The following SLC1A2 variants were observed in gnomAD, a reference collection of about 807,000 sequenced individuals.
The protein encoded by SLC1A2 is excitatory amino acid transporter 2.
Under a neutral mutation model 48.8 loss-of-function variants are expected in SLC1A2, and 15 were observed. The ratio of observed to expected loss-of-function variants is 0.31; its 90% CI spans 0.21 to 0.47. The LOEUF is 0.47. SLC1A2 is among the 20% of genes least tolerant of loss of function. The pLI is 0.99. For synonymous variants in SLC1A2, 279 were observed against 272.6 expected, an observed-to-expected ratio of 1.02 and a Z score of -0.23; for missense variants, 502 against 730.5, an observed-to-expected ratio of 0.69 and a Z score of 3.61.
chr11:35,387,309 T>A (rs557763352), intron 1 of SLC1A2, among the ~76,000 whole-genome samples: 2 of 152,282 alleles, frequency 1.3e-5, no homozygotes, highest in South Asian at 2.1e-4. Context: ...GCCCAGCTTT[T>A]TATGCAATCC....
chr11:35,314,824 A>T (rs1200818562), intron 3 of SLC1A2, among the ~76,000 whole-genome samples, 199 bp downstream of exon 3: 2 of 151,160 alleles, frequency 1.3e-5, no homozygotes, highest in East Asian at 3.9e-4. Flanking sequence ...GAGAAAGACA[A>T]ATAGACTGAC....
intron 1 of SLC1A2, chr11:35,371,022 G>C (rs1274668384): frequency 7.1e-6 from 7 of 984,770 alleles, no homozygotes; most frequent in African/African-American, 1.7e-5. Context: ...CTCATTCATG[G>C]GGTGAGTTTT....
In SLC1A2 at chr11:35,278,223, A is replaced by G. The variant is rs144464707; in HGVS notation, c.1421+2644T>C. ...TATGGCCTTCCTTGCAGCCCTCCCA[A>G]GTTGAACTGATTCTGTTCAGGGAGC... On this transcript the variant is annotated intron_variant, in intron 9 of 10. Coordinates refer to ENST00000278379, the MANE Select transcript of SLC1A2 (RefSeq NM_004171.4). Among the ~76,000 whole-genome samples the G allele has an allele frequency of 7.3e-3, 1,089 of 149,482 alleles. 10 individuals are homozygous for G. The highest frequency in any genetic ancestry group is 0.025 in the African/African-American group (1,004 of 40,734).
At chr11:35,304,440 A>T (rs1191690377) in intron 5 of SLC1A2, among the ~76,000 whole-genome samples, 1 of 152,210 alleles carries the variant, frequency 6.6e-6, no homozygotes, top group Non-Finnish European at 1.5e-5. Context: ...CTGGACAGTG[A>T]GGGAGAAGAG....
At chr11:35,265,191 C>G in intron 10 of SLC1A2, 1 of 369,024 alleles carries the variant, frequency 2.7e-6, no homozygotes, top group Non-Finnish European at 4.8e-6. Context: ...GATCTGCCCG[C>G]CTCGGCCTAG....
chr11:35,389,520 G>A (rs1034024669), intron 1 of SLC1A2, among the ~76,000 whole-genome samples: 2 of 151,634 alleles, frequency 1.3e-5, no homozygotes, highest in African/African-American at 4.9e-5. Context: ...ACCCTGGCTG[G>A]AGTGCAATGG....
chr11:35,357,118 A>G (rs959970570), intron 1 of SLC1A2, among the ~76,000 whole-genome samples: 2 of 152,096 alleles, frequency 1.3e-5, no homozygotes, highest in African/African-American at 2.4e-5. Flanking sequence ...TTAGCTGGAC[A>G]TGGTGGCACA....
At chr11:35,350,136 C>T (rs1050714761) in intron 1 of SLC1A2, among the ~76,000 whole-genome samples, 1 of 152,094 alleles carries the variant, frequency 6.6e-6, no homozygotes, top group Non-Finnish European at 1.5e-5. Context: ...CTAAGATGTG[C>T]CAGGAAATGC....
chr11:35,300,815 A>G (rs1851329990), intron 6 of SLC1A2, among the ~76,000 whole-genome samples: 1 of 152,160 alleles, frequency 6.6e-6, no homozygotes, highest in Non-Finnish European at 1.5e-5. Flanking sequence ...CAGAAGTTTG[A>G]GATCAGCCTG....
chr11:35,311,897 G>GGAGAGAGA (rs1213084635), intron 4 of SLC1A2, among the ~76,000 whole-genome samples: 2 of 25,722 alleles, frequency 7.8e-5, no homozygotes, highest in Non-Finnish European at 1.4e-4. Context: ...AGAGAGGGAG[G>GGAGAGAGA]GAGAGAGAGA....
At chr11:35,324,241 A>C (rs1241098170) in intron 1 of SLC1A2, among the ~76,000 whole-genome samples, 2 of 152,272 alleles carry the variant, frequency 1.3e-5, no homozygotes, top group Admixed American at 1.3e-4. Flanking sequence ...CAAAGTTTTC[A>C]AGGGATCAAT....
intron 1 of SLC1A2, among the ~76,000 whole-genome samples, chr11:35,417,540 T>A (rs1855645031): frequency 6.6e-6 from 1 of 152,224 alleles, no homozygotes. Context: ...CTGATCTTGA[T>A]CCATATGGGC....
At chr11:35,398,797 A>G (rs1855051344) in intron 1 of SLC1A2, among the ~76,000 whole-genome samples, 1 of 152,220 alleles carries the variant, frequency 6.6e-6, no homozygotes, top group South Asian at 2.1e-4. Flanking sequence ...GTGTTAAGTA[A>G]AGGCTACTCA....
intron 1 of SLC1A2, among the ~76,000 whole-genome samples, chr11:35,343,130 G>A (rs117047872): frequency 0.019 from 2,834 of 152,314 alleles, 40 homozygotes; most frequent in Non-Finnish European, 0.029. Flanking sequence ...AATAATACAG[G>A]GTGGTTGCAG....
At chr11:35,296,114 G>A (rs1038888294) in intron 6 of SLC1A2, among the ~76,000 whole-genome samples, 2 of 152,196 alleles carry the variant, frequency 1.3e-5, no homozygotes, top group Non-Finnish European at 2.9e-5. Context: ...GTGACCTTCT[G>A]GAAACCATTT....
chr11:35,282,858 C>T (rs1850684934), intron 8 of SLC1A2, among the ~76,000 whole-genome samples: 1 of 152,136 alleles, frequency 6.6e-6, no homozygotes, highest in Non-Finnish European at 1.5e-5. Flanking sequence ...TAATAATACC[C>T]TCACCCTCCG....
chr11:35,345,251 CT>C (rs1230521180), intron 1 of SLC1A2, among the ~76,000 whole-genome samples: 1 of 152,186 alleles, frequency 6.6e-6, no homozygotes, highest in Non-Finnish European at 1.5e-5. Context: ...TACAGCTCCA[CT>C]GTAAAACACT....
At chr11:35,304,778 A>G (rs964067710) in intron 5 of SLC1A2, among the ~76,000 whole-genome samples, 1 of 152,138 alleles carries the variant, frequency 6.6e-6, no homozygotes, top group African/African-American at 2.4e-5. Flanking sequence ...CATGACACTC[A>G]ATTACTTTTT....
intron 1 of SLC1A2, among the ~76,000 whole-genome samples, chr11:35,371,528 C>G (rs945575051): frequency 6.6e-6 from 1 of 152,186 alleles, no homozygotes; most frequent in African/African-American, 2.4e-5. Flanking sequence ...CTTAGTACCA[C>G]CAGGGGTGGG....
Sources: allele counts gnomAD v4.1 joint callset (sites outside exome capture counted in the v4.1 genomes callset), GRCh38; gene constraint gnomAD v4.1.1; transcripts MANE v1.5; gene names NCBI Gene and HGNC (gene_info 2026-07-23, HGNC 2026-07-21).